ERCC3: variants seen among roughly 807,000 people sequenced by gnomAD.
ERCC3 encodes general transcription and DNA repair factor IIH helicase/translocase subunit XPB.
In ERCC3, 66 loss-of-function variants were observed where a neutral mutation model predicts 94.2. The observed-to-expected ratio is 0.70, with a 90% CI of 0.57 to 0.86. ERCC3 has a LOEUF of 0.86. ERCC3 is among the 40% of genes least tolerant of loss of function. The pLI, the probability that ERCC3 is intolerant of heterozygous loss-of-function variation, is 0.00. For missense variants in ERCC3, 829 were observed against 987.1 expected (o/e 0.84, Z 2.15); for synonymous variants, 349 against 369.1 (o/e 0.95, Z 0.63).
chr2:127,266,159 T>C (rs927637083), intron 12 of ERCC3, among the ~76,000 whole-genome samples: 10 of 151,224 alleles, frequency 6.6e-5, no homozygotes, highest in African/African-American at 2.4e-4. Context: ...ACTCCTGAGT[T>C]CAAATGATCC....
At position 127,268,163 on chromosome 2, in the gene ERCC3, A is replaced by AG. The variant is rs1379694199; in HGVS notation, c.1945+3172dup. ...GAGATGGGGTTTCACCATGTTGGCC[A>AG]GGCTGGTCTGGAACTCCTGACCTCA... is the stretch of plus-strand genomic sequence containing the variant. On this transcript the variant is annotated intron_variant, in intron 12 of 14. Coordinates refer to ENST00000285398, the MANE Select transcript of ERCC3 (RefSeq NM_000122.2). Among the ~76,000 whole-genome samples the AG allele has an allele frequency of 2.6e-5, 4 of 152,220 alleles. No homozygotes were observed. The East Asian group carries it at 5.8e-4, about 22-fold the overall frequency.
In ERCC3 at chr2:127,257,323, C is replaced by A; in HGVS notation, c.*273G>T. 1 of 494,408 alleles carries A rather than the reference C, an allele frequency of 2.0e-6. No homozygotes were observed. 30.6% of individuals were successfully genotyped at this position (494,408 alleles called of 1,614,324 possible). On this transcript the variant is annotated 3_prime_UTR_variant, in exon 15 of 15. Transcript: ENST00000285398. The surrounding 1 kb of genome is among the most constrained non-coding windows in gnomAD (Gnocchi z 5.4). ...AATGGTCCATTCTGTTTATTCAGAA[C>A]GGTAACATAAATACACCTTAAATAT...
At position 127,289,692 on chromosome 2, in the gene ERCC3, A is replaced by C. The variant is rs1685199719; in HGVS notation, c.654T>G (p.Ser218=). 1.2e-6 allele frequency: 2 copies of C among 1,614,170 alleles called. No individual in the cohort carries two copies. Among genetic ancestry groups the C allele is most frequent in the Non-Finnish European group, 1.7e-6 (2 of 1,180,026 alleles). ...ELITETFTSK[S]AISKTAESSG... ...GGTGGCCCAGGAGTCCACATACGGC[A>C]GATTTGCTTGTGAAAGTCTCTGTGA... Residue 218 remains serine, a synonymous_variant, in exon 5 of 15, where the codon TCT becomes TCG. Coordinates refer to ENST00000285398, the MANE Select transcript of ERCC3 (RefSeq NM_000122.2).
chr2:127,267,218 T>G (rs1684403306), intron 12 of ERCC3, among the ~76,000 whole-genome samples: 1 of 152,198 alleles, frequency 6.6e-6, no homozygotes, highest in Non-Finnish European at 1.5e-5. Context: ...ACCATTGTTG[T>G]GTGGCTGTCT....
At position 127,259,493 on chromosome 2, in the gene ERCC3, C is replaced by A. The variant is rs1179832929; in HGVS notation, c.2065-45G>T. The A allele has an allele frequency of 1.2e-6, 2 of 1,612,084 alleles. No individual in the cohort carries two copies. Among genetic ancestry groups the A allele is most frequent in the South Asian group, 2.2e-5 (2 of 91,056 alleles). ...AGACATGCCCCTTTCTGCTCTCTCT[C>A]CCCAGCCCTCCTCTGCCTTCTCCTG... On this transcript the variant is annotated intron_variant, in intron 13 of 14. Coordinates refer to ENST00000285398, the MANE Select transcript of ERCC3 (RefSeq NM_000122.2). This position sits in a 1 kb window ranked among gnomAD's most constrained non-coding sequence, Gnocchi z 4.9.
intron 7 of ERCC3, 48 bp from the exon 8 acceptor site, chr2:127,287,065 A>C: frequency 1.4e-6 from 2 of 1,465,796 alleles, no homozygotes; most frequent in Non-Finnish European, 1.9e-6. Flanking sequence ...GTTGAAATGA[A>C]GGACAGGGAC....
chr2:127,293,889 GC>G lies in ERCC3; in HGVS notation c.28+164del, dbSNP rs779848301. 8 of 1,526,820 alleles carry G rather than the reference GC, an allele frequency of 5.2e-6. No individual in the cohort carries two copies. The East Asian group carries it at 1.9e-4, about 37-fold the overall frequency. 94.6% of individuals were successfully genotyped at this position (1,526,820 alleles called of 1,614,324 possible). The stretch of plus-strand genomic sequence containing the variant: ...CCCTAGGCCGAGTTCGCTGGGCTGC[GC>G]CCAGGTCCAGCATCTCTCCCGCCCA... On this transcript the variant is annotated intron_variant, in intron 1 of 14. Transcript: ENST00000285398.
At chr2:127,273,089 G>A (rs1483070398) in intron 10 of ERCC3, 128 bp from the exon 11 acceptor site, 4 of 652,058 alleles carry the variant, frequency 6.1e-6, no homozygotes, top group African/African-American at 5.5e-5. Context: ...TAGGAATATC[G>A]TTACACCCAA....
Position 127,294,051 on chromosome 2 carries a change from C to T in ERCC3, c.28+3G>A, listed in dbSNP as rs753117644. The T allele has an allele frequency of 3.7e-6, 6 of 1,606,738 alleles. No individual in the cohort carries two copies. Among genetic ancestry groups the T allele is most frequent in the Non-Finnish European group, 5.1e-6 (6 of 1,179,306 alleles). On this transcript the variant is annotated splice_donor_region_variant and intron_variant, in intron 1 of 14. Transcript: ENST00000285398. ...GGCTGAGCGTGCCCGCGCAACGTCT[C>T]ACCGCGGTCCGCTCGGTCTCTTTTG...
intron 12 of ERCC3, among the ~76,000 whole-genome samples, chr2:127,265,463 G>A (rs989187101): frequency 1.3e-5 from 2 of 152,136 alleles, no homozygotes; most frequent in African/African-American, 4.8e-5. Flanking sequence ...CTGTCACCCA[G>A]GCTGGAGTGC....
chr2:127,265,797 GCT>G (rs1261623901), intron 12 of ERCC3, among the ~76,000 whole-genome samples: 19 of 152,052 alleles, frequency 1.2e-4, no homozygotes, highest in African/African-American at 4.6e-4. Context: ...ATTTAGTTCT[GCT>G]CTGATTTTAG....
rs1161708040 is a variant in ERCC3, at chr2:127,258,790, T to A, written c.2217+506A>T. Among the ~76,000 whole-genome samples, 2 of 152,204 alleles carry A rather than the reference T, an allele frequency of 1.3e-5. No homozygotes were observed. Among genetic ancestry groups the A allele is most frequent in the Non-Finnish European group, 2.9e-5 (2 of 68,036 alleles). ...TGTAGAATAAATGAAAGGTTGAGTA[T>A]TTTCACAGAACTCTACATTTTTCAA... On this transcript the variant is annotated intron_variant, in intron 14 of 14. Coordinates refer to ENST00000285398, the MANE Select transcript of ERCC3 (RefSeq NM_000122.2). This position sits in a 1 kb window ranked among gnomAD's most constrained non-coding sequence, Gnocchi z 4.1.
Position 127,280,854 on chromosome 2 carries a change from A to G in ERCC3, c.1343-223T>C. The G allele has an allele frequency of 1.7e-6, 1 of 574,670 alleles. No individual in the cohort carries two copies. Among genetic ancestry groups the G allele is most frequent in the Non-Finnish European group, 3.1e-6 (1 of 327,206 alleles). The allele number at this position is 574,670 out of a possible 1,614,324, so 35.6% of individuals were successfully genotyped here. On this transcript the variant is annotated intron_variant, in intron 8 of 14. Coordinates refer to ENST00000285398, the MANE Select transcript of ERCC3 (RefSeq NM_000122.2). This position sits in a 1 kb window ranked among gnomAD's most constrained non-coding sequence, Gnocchi z 6.3. ...CACTGTCACTTTTTCAAATGCTCATAGCTGTGCAACTTAACACTGGCTTAT... is the reference window on the plus strand; with the variant it reads ...CACTGTCACTTTTTCAAATGCTCATGGCTGTGCAACTTAACACTGGCTTAT...
At chr2:127,289,991 T>C (rs1357552823) in intron 4 of ERCC3, 167 bp from the exon 5 acceptor site, 9 of 899,138 alleles carry the variant, frequency 1.0e-5, no homozygotes, top group South Asian at 1.6e-5. Flanking sequence ...CATATGAGGG[T>C]TGTGACTTTG....
intron 3 of ERCC3, 62 bp from the exon 4 acceptor site, chr2:127,290,335 T>C: frequency 1.5e-6 from 2 of 1,306,884 alleles, no homozygotes; most frequent in Non-Finnish European, 2.2e-6. Flanking sequence ...CATTCATTAC[T>C]GGTCACATCT....
At position 127,284,524 on chromosome 2, in the gene ERCC3, C is replaced by T. The variant is rs4150434; in HGVS notation, c.1342+2179G>A. On this transcript the variant is annotated intron_variant, in intron 8 of 14. Coordinates refer to ENST00000285398, the MANE Select transcript of ERCC3 (RefSeq NM_000122.2). The surrounding 1 kb of genome is among the most constrained non-coding windows in gnomAD (Gnocchi z 4.1). ...GCCAGCTGTGAACATCTCTAGGTAT[C>T]TCCAGAAACCCATCAGGGCTGAAGA... Among the ~76,000 whole-genome samples the T allele has an allele frequency of 0.2, 30,378 of 152,138 alleles. 3,270 individuals carry two copies. The highest frequency in any genetic ancestry group is 0.34 in the South Asian group (1,626 of 4,820).
chr2:127,268,647 T>C, intron 12 of ERCC3, among the ~76,000 whole-genome samples: 1 of 152,240 alleles, frequency 6.6e-6, no homozygotes, highest in East Asian at 1.9e-4. Flanking sequence ...AGAAGTCTGC[T>C]GTTAGCATGA....
At chr2:127,281,788 A>C (rs545811086) in intron 8 of ERCC3, among the ~76,000 whole-genome samples, 1 of 151,650 alleles carries the variant, frequency 6.6e-6, no homozygotes, top group Non-Finnish European at 1.5e-5. Flanking sequence ...CACACACACA[A>C]CACAGAAAAC....
chr2:127,293,416 C>T lies in ERCC3; in HGVS notation c.234+97G>A. ...ATTCTCTCCCGGCCAGTTCTAGGGG[C>T]AGTATCCTGAATGTCAGTTTTGACT... On this transcript the variant is annotated intron_variant, in intron 2 of 14. Transcript: ENST00000285398. The T allele has an allele frequency of 6.3e-6, 7 of 1,106,270 alleles. No individual in the cohort carries two copies. In the South Asian group the frequency reaches 6.6e-5, roughly 10 times the overall value. 68.5% of individuals were successfully genotyped at this position (1,106,270 alleles called of 1,614,324 possible).
Sources: gnomAD v4.1 joint callset for allele counts (sites outside exome capture counted in the v4.1 genomes callset) on GRCh38, gnomAD v4.1.1 for gene constraint, Gnocchi (gnomAD v3.1) non-coding constraint, MANE v1.5 for transcripts, NCBI Gene and HGNC (gene_info 2026-07-23, HGNC 2026-07-21) for gene names.